The following SATB2 variants were observed in gnomAD, a reference collection of about 807,000 sequenced individuals.
SATB2 encodes the protein SATB homeobox 2.
SATB2 carries 1 observed loss-of-function variant against 73.4 expected under a neutral mutation model. The observed-to-expected ratio is 0.01, with a 90% CI of 0.00 to 0.06. SATB2 has a LOEUF of 0.06. SATB2 is among the 10% of genes least tolerant of loss of function. The pLI, the probability that SATB2 is intolerant of heterozygous loss-of-function variation, is 1.00. For synonymous variants in SATB2, 397 were observed against 367.0 expected (o/e 1.08, Z -0.93); for missense variants, 459 against 945.8 (o/e 0.49, Z 6.75).
chr2:199,331,436 G>A (rs1234055496), intron 7 of SATB2, among the ~76,000 whole-genome samples: 1 of 152,080 alleles, frequency 6.6e-6, no homozygotes, highest in African/African-American at 2.4e-5. Flanking sequence ...CCTAATTGAA[G>A]ATAAAGTCTC....
intron 9 of SATB2, 108 bp from the exon 10 acceptor site, chr2:199,309,065 G>A: frequency 2.1e-6 from 2 of 962,216 alleles, no homozygotes; most frequent in Non-Finnish European, 3.3e-6. Flanking sequence ...TGTCAAAATT[G>A]TTCCTGCCAA....
At chr2:199,368,439 G>C (rs1689350839) in intron 6 of SATB2, among the ~76,000 whole-genome samples, 166 bp downstream of exon 6, 1 of 151,968 alleles carries the variant, frequency 6.6e-6, no homozygotes, top group African/African-American at 2.4e-5. Context: ...TATCTTCTTA[G>C]TTTTAAGGGA....
intron 7 of SATB2, among the ~76,000 whole-genome samples, chr2:199,346,001 A>G (rs578123212): frequency 6.6e-5 from 10 of 152,324 alleles, no homozygotes; most frequent in Admixed American, 3.9e-4. Context: ...ACTCTTTACA[A>G]GCAAAGAAAA....
At chr2:199,345,326 G>A (rs1489058295) in intron 7 of SATB2, among the ~76,000 whole-genome samples, 1 of 151,802 alleles carries the variant, frequency 6.6e-6, no homozygotes, top group Admixed American at 6.6e-5. Flanking sequence ...ACAACGTGCA[G>A]GTTTGTTACA....
chr2:199,385,185 AGTGTACTG>A (rs2105872485), intron 3 of SATB2, among the ~76,000 whole-genome samples: 1 of 152,196 alleles, frequency 6.6e-6, no homozygotes, highest in African/African-American at 2.4e-5. Context: ...CCCAAGCTGA[AGTGTACTG>A]GTGAGATCTC....
At chr2:199,458,802 T>C, upstream of SATB2, 1 of 328,106 alleles carries the variant, frequency 3.0e-6, no homozygotes, top group Non-Finnish European at 5.9e-6. Context: ...TCCGAGCAAC[T>C]TTTCCCGGTG....
At chr2:199,294,847 TC>T (rs1692979741) in intron 10 of SATB2, among the ~76,000 whole-genome samples, 1 of 152,242 alleles carries the variant, frequency 6.6e-6, no homozygotes, top group Non-Finnish European at 1.5e-5. Context: ...CATATATTCA[TC>T]TTTAAGAGTT....
chr2:199,458,736 A>C (rs1692379518), upstream of SATB2: 1 of 425,748 alleles, frequency 2.3e-6, no homozygotes, highest in Non-Finnish European at 4.7e-6. Flanking sequence ...TGGAGATAGG[A>C]GGGCGATCGC....
At chr2:199,392,450 C>A (rs1463262623) in intron 3 of SATB2, among the ~76,000 whole-genome samples, 1 of 151,590 alleles carries the variant, frequency 6.6e-6, no homozygotes, top group Admixed American at 6.6e-5. Context: ...TATTAATAAA[C>A]CTGAAGCTTT....
chr2:199,333,456 G>A (rs1302911268), intron 7 of SATB2, among the ~76,000 whole-genome samples: 2 of 152,178 alleles, frequency 1.3e-5, no homozygotes, highest in Non-Finnish European at 2.9e-5. Flanking sequence ...AATATAGATA[G>A]TACATGGATA....
intron 6 of SATB2, among the ~76,000 whole-genome samples, chr2:199,354,536 C>T (rs1374862076): frequency 6.6e-6 from 1 of 152,098 alleles, no homozygotes; most frequent in Non-Finnish European, 1.5e-5. Flanking sequence ...CCAAACAGAA[C>T]ATGGTTTAAG....
At chr2:199,383,689 A>C (rs966720937) in intron 3 of SATB2, among the ~76,000 whole-genome samples, 1 of 152,234 alleles carries the variant, frequency 6.6e-6, no homozygotes, top group African/African-American at 2.4e-5. Flanking sequence ...GTAATATAAA[A>C]AAAAGGACCC....
At chr2:199,412,004 G>A (rs1393817599) in intron 3 of SATB2, among the ~76,000 whole-genome samples, 1 of 152,112 alleles carries the variant, frequency 6.6e-6, no homozygotes, top group African/African-American at 2.4e-5. Context: ...GAAAAAATAT[G>A]GGGCATCTGA....
rs770361208 is a variant in SATB2, at chr2:199,334,564, C to CA, written c.1174-5655dup. On this transcript the variant is annotated intron_variant, in intron 7 of 10. Transcript: ENST00000417098. ...ACCTATCACGTTTCCCTTGAAATGT[C>CA]AAAAAAAAAAAGGTTCCTTCCAAAT... is the stretch of plus-strand genomic sequence containing the variant. Among the ~76,000 whole-genome samples the CA allele has an allele frequency of 7.3e-3, 1,034 of 142,566 alleles. 12 individuals carry two copies. The highest frequency in any genetic ancestry group is 0.022 in the African/African-American group (870 of 39,098). The allele number at this position is 142,566 out of a possible 152,430, so 93.5% of individuals were successfully genotyped here.
intron 3 of SATB2, among the ~76,000 whole-genome samples, chr2:199,394,780 G>C (rs1053525303): frequency 3.3e-5 from 5 of 152,072 alleles, no homozygotes; most frequent in African/African-American, 4.8e-5. Flanking sequence ...GGTCCCAAGA[G>C]CTAATCTGTC....
At chr2:199,298,652 C>T (rs1687188722) in intron 10 of SATB2, among the ~76,000 whole-genome samples, 1 of 152,064 alleles carries the variant, frequency 6.6e-6, no homozygotes, top group Admixed American at 6.6e-5. Context: ...GCTTCTTAAG[C>T]TACCTTCATC....
intron 7 of SATB2, 54 bp from the exon 8 acceptor site, chr2:199,328,964 G>T: frequency 7.1e-7 from 1 of 1,406,544 alleles, no homozygotes; most frequent in Non-Finnish European, 1.0e-6. Context: ...GTATATGTGT[G>T]TGGTTTCTGT....
chr2:199,310,342 T>C (rs1687562682), intron 9 of SATB2, among the ~76,000 whole-genome samples: 1 of 152,170 alleles, frequency 6.6e-6, no homozygotes, highest in Admixed American at 6.5e-5. Flanking sequence ...GTTAGAAGGT[T>C]AGGAAGAATG....
At chr2:199,419,642 G>A (rs143208687) in intron 3 of SATB2, among the ~76,000 whole-genome samples, 4 of 152,206 alleles carry the variant, frequency 2.6e-5, no homozygotes, top group African/African-American at 4.8e-5. Context: ...TGCTCCCTCC[G>A]CACAAATGGC....
Sources: allele counts gnomAD v4.1 joint callset (sites outside exome capture counted in the v4.1 genomes callset), GRCh38; gene constraint gnomAD v4.1.1; transcripts MANE v1.5; gene names NCBI Gene and HGNC (gene_info 2026-07-23, HGNC 2026-07-21).